Variants in TAS2R1 observed in about 807,000 individuals in gnomAD.
TAS2R1 encodes the protein taste 2 receptor member 1.
For synonymous variants in TAS2R1, 141 were observed against 134.2 expected (o/e 1.05, Z -0.35); for missense variants, 370 against 353.4 (o/e 1.05, Z -0.38).
the TAS2R1 span, among the ~76,000 whole-genome samples, chr5:9,817,913 T>G: frequency 2.0e-5 from 3 of 151,804 alleles, no homozygotes; most frequent in Non-Finnish European, 4.4e-5. Context: ...GTGCCACACT[T>G]TGAAATCATC....
chr5:9,847,915 T>C, the TAS2R1 span, among the ~76,000 whole-genome samples: 3 of 152,164 alleles, frequency 2.0e-5, no homozygotes, highest in African/African-American at 4.8e-5. Flanking sequence ...ACCAGTGAAG[T>C]AGCATCATCC....
At chr5:9,742,471 C>T in the TAS2R1 span, among the ~76,000 whole-genome samples, 1 of 152,166 alleles carries the variant, frequency 6.6e-6, no homozygotes, top group Non-Finnish European at 1.5e-5. Flanking sequence ...ACAGCTTCAC[C>T]AGCCACATGG....
intron 2 of TAS2R1, among the ~76,000 whole-genome samples, chr5:9,642,622 T>A (rs766396925): frequency 6.6e-6 from 1 of 152,196 alleles, no homozygotes; most frequent in Non-Finnish European, 1.5e-5. Context: ...GTCACTTTCA[T>A]ATACTTGTCC....
intron 1 of TAS2R1, among the ~76,000 whole-genome samples, chr5:9,668,849 C>T (rs939967484): frequency 6.6e-6 from 1 of 151,580 alleles, no homozygotes; most frequent in South Asian, 2.1e-4. Context: ...AAAAAAAAAC[C>T]ACACAATCAA....
chr5:9,657,184 T>C (rs1400692358), intron 2 of TAS2R1, among the ~76,000 whole-genome samples: 1 of 152,158 alleles, frequency 6.6e-6, no homozygotes, highest in Non-Finnish European at 1.5e-5. Context: ...CATGAGTTTT[T>C]TTAATTTTTC....
the TAS2R1 span, among the ~76,000 whole-genome samples, chr5:9,764,147 A>G: frequency 6.6e-6 from 1 of 152,222 alleles, no homozygotes; most frequent in Non-Finnish European, 1.5e-5. Context: ...ATAGGAGACA[A>G]ACTTGTGTTT....
chr5:9,898,811 G>T, the TAS2R1 span, among the ~76,000 whole-genome samples: 6 of 152,200 alleles, frequency 3.9e-5, no homozygotes, highest in Non-Finnish European at 7.3e-5. Flanking sequence ...GACAGGCAGA[G>T]GGGCCTGGAC....
At chr5:9,812,312 A>ATATG in the TAS2R1 span, among the ~76,000 whole-genome samples, 23 of 152,096 alleles carry the variant, frequency 1.5e-4, no homozygotes, top group South Asian at 8.3e-4. Flanking sequence ...AATATTATAT[A>ATATG]TATGTATGTA....
the TAS2R1 span, among the ~76,000 whole-genome samples, chr5:9,749,895 C>T: frequency 5.3e-5 from 8 of 152,188 alleles, no homozygotes; most frequent in African/African-American, 1.9e-4. Flanking sequence ...TTCTCTGACT[C>T]AACATGCATC....
intron 2 of TAS2R1, among the ~76,000 whole-genome samples, chr5:9,644,320 CTTAAATTAGG>C (rs1159511512): frequency 6.6e-6 from 1 of 152,064 alleles, no homozygotes; most frequent in Non-Finnish European, 1.5e-5. Context: ...ATGTTGTTAG[CTTAAATTAGG>C]TTGGTGGTCA....
At chr5:9,692,784 G>T (rs1741274617) in intron 1 of TAS2R1, among the ~76,000 whole-genome samples, 1 of 152,214 alleles carries the variant, frequency 6.6e-6, no homozygotes, top group African/African-American at 2.4e-5. Context: ...TTTATGTGAT[G>T]CGGAGCTGGA....
At chr5:9,880,025 C>T in the TAS2R1 span, among the ~76,000 whole-genome samples, 3 of 152,066 alleles carry the variant, frequency 2.0e-5, no homozygotes, top group Non-Finnish European at 2.9e-5. Flanking sequence ...GTTACAAGCC[C>T]CTGAAGAAGC....
At chr5:9,736,035 A>G in the TAS2R1 span, among the ~76,000 whole-genome samples, 1 of 152,178 alleles carries the variant, frequency 6.6e-6, no homozygotes, top group African/African-American at 2.4e-5. Context: ...TGTTACTCAT[A>G]GAGTATCTCG....
At chr5:9,861,037 G>GTTTTTTTTTTGTTTTTTTT in the TAS2R1 span, among the ~76,000 whole-genome samples, 24 of 88,626 alleles carry the variant, frequency 2.7e-4, no homozygotes, top group African/African-American at 8.1e-4. Context: ...GGAAGATGAG[G>GTTTTTTTTTTGTTTTTTTT]TTTTTTTTTT....
chr5:9,738,424 G>A, the TAS2R1 span, among the ~76,000 whole-genome samples: 8 of 152,096 alleles, frequency 5.3e-5, no homozygotes, highest in Non-Finnish European at 7.4e-5. Context: ...GGAAAAAGGC[G>A]CTCCTCCTAG....
chr5:9,870,592 C>T, the TAS2R1 span, among the ~76,000 whole-genome samples: 1 of 152,142 alleles, frequency 6.6e-6, no homozygotes, highest in Non-Finnish European at 1.5e-5. Context: ...ATGGTTAAAA[C>T]ATGGACCCAC....
the TAS2R1 span, among the ~76,000 whole-genome samples, chr5:9,821,093 C>A: frequency 3.5e-3 from 529 of 152,276 alleles, 4 homozygotes; most frequent in Non-Finnish European, 5.8e-3. Flanking sequence ...GATAGCAGTG[C>A]AGGCCAACAA....
At chr5:9,721,916 G>C in the TAS2R1 span, among the ~76,000 whole-genome samples, 12 of 152,036 alleles carry the variant, frequency 7.9e-5, no homozygotes, top group Non-Finnish European at 1.6e-4. Context: ...GTCAAATATT[G>C]ACTAACTTCT....
chr5:9,834,110 G>A, the TAS2R1 span, among the ~76,000 whole-genome samples: 1 of 152,200 alleles, frequency 6.6e-6, no homozygotes, highest in Admixed American at 6.5e-5. Context: ...ACCTGGAAGA[G>A]CGTAAGGTCC....
Sources: allele counts gnomAD v4.1 joint callset (sites outside exome capture counted in the v4.1 genomes callset), GRCh38; gene constraint gnomAD v4.1.1; transcripts MANE v1.5; gene names NCBI Gene and HGNC (gene_info 2026-07-23, HGNC 2026-07-21).